GALNT14: variants seen among roughly 807,000 people sequenced by gnomAD.
GALNT14 encodes the protein polypeptide N-acetylgalactosaminyltransferase 14.
Under a neutral mutation model 77.5 loss-of-function variants are expected in GALNT14, and 60 were observed. The observed-to-expected ratio is 0.77, with a 90% confidence interval of 0.63 to 0.96. The LOEUF is 0.96. Among genes scored for constraint, GALNT14 ranks in the 40% least tolerant of loss-of-function variants. The probability of loss-of-function intolerance (pLI) is 0.00; values close to 1 mark genes in which losing one functional copy is unlikely to be tolerated. For synonymous variants in GALNT14, 280 were observed against 281.7 expected (o/e 0.99, Z 0.06); for missense variants, 710 against 731.0 (o/e 0.97, Z 0.33).
intron 1 of GALNT14, 150 bp from the exon 2 acceptor site, chr2:30,993,157 A>C: frequency 1.4e-6 from 1 of 731,370 alleles, no homozygotes. Flanking sequence ...AAACTAAACC[A>C]TCAGCAACAA....
chr2:31,125,191 T>G (rs956185630), intron 1 of GALNT14: 1 of 1,550,320 alleles, frequency 6.5e-7, no homozygotes, highest in African/African-American at 1.4e-5. Context: ...GAGGAGTGGG[T>G]GATACAGGCA....
At chr2:30,924,991 A>G (rs1164813682) in intron 11 of GALNT14, among the ~76,000 whole-genome samples, 168 bp from the exon 12 acceptor site, 3 of 152,268 alleles carry the variant, frequency 2.0e-5, no homozygotes, top group Non-Finnish European at 4.4e-5. Context: ...ACAGATTTCT[A>G]TAACTGCAGA....
intron 1 of GALNT14, among the ~76,000 whole-genome samples, chr2:31,134,409 T>C (rs1016804700): frequency 1.3e-5 from 2 of 152,182 alleles, no homozygotes; most frequent in African/African-American, 4.8e-5. Flanking sequence ...TCCCCATGAT[T>C]ACACGCTAGG....
chr2:30,919,694 G>A (rs772785858), intron 13 of GALNT14, among the ~76,000 whole-genome samples: 2 of 152,214 alleles, frequency 1.3e-5, no homozygotes, highest in Admixed American at 1.3e-4. Flanking sequence ...TCCTCTGAGG[G>A]TAGACTATAT....
At chr2:30,898,319 A>C in the GALNT14 span, among the ~76,000 whole-genome samples, 15 of 152,320 alleles carry the variant, frequency 9.8e-5, no homozygotes, top group Admixed American at 2.0e-4. Context: ...CAGCTTGCAC[A>C]GACTCAGACA....
intron 1 of GALNT14, among the ~76,000 whole-genome samples, chr2:31,106,767 T>G (rs1355199144): frequency 3.9e-5 from 6 of 151,902 alleles, no homozygotes; most frequent in Non-Finnish European, 8.8e-5. Context: ...CTTGCTGACA[T>G]TCTTCCCCCT....
chr2:30,904,503 G>C, the GALNT14 span, among the ~76,000 whole-genome samples: 2 of 152,164 alleles, frequency 1.3e-5, no homozygotes, highest in African/African-American at 4.8e-5. Context: ...CTTTTCCGAC[G>C]GGCTTAAAAA....
At chr2:30,986,848 C>G (rs898435761) in intron 2 of GALNT14, 3 of 152,200 alleles carry the variant, frequency 2.0e-5, no homozygotes, top group Admixed American at 2.0e-4. Flanking sequence ...GAAATGAAGT[C>G]TCTCCTCTGT....
At chr2:31,074,688 A>G (rs1488596566) in intron 1 of GALNT14, among the ~76,000 whole-genome samples, 1 of 152,146 alleles carries the variant, frequency 6.6e-6, no homozygotes, top group Non-Finnish European at 1.5e-5. Flanking sequence ...GAAAAAAGAG[A>G]GAGAGGGAGA....
chr2:30,977,953 C>T (rs1184560716), intron 2 of GALNT14, among the ~76,000 whole-genome samples: 3 of 152,184 alleles, frequency 2.0e-5, no homozygotes, highest in Non-Finnish European at 4.4e-5. Flanking sequence ...TCCAACCACT[C>T]CTCCCACCCT....
At chr2:30,972,682 G>A (rs1313985426) in intron 2 of GALNT14, among the ~76,000 whole-genome samples, 1 of 152,206 alleles carries the variant, frequency 6.6e-6, no homozygotes, top group Non-Finnish European at 1.5e-5. Context: ...TTCCAATTGT[G>A]ACTCAGGTCT....
At chr2:31,102,175 CTTT>C (rs981892882) in intron 1 of GALNT14, among the ~76,000 whole-genome samples, 5,793 of 36,202 alleles carry the variant, frequency 0.16, 267 homozygotes, top group African/African-American at 0.48. Context: ...TCATTAATCT[CTTT>C]TATTTATTTT....
intron 1 of GALNT14, among the ~76,000 whole-genome samples, chr2:31,087,836 G>A (rs960604256): frequency 1.3e-5 from 2 of 152,178 alleles, no homozygotes; most frequent in African/African-American, 4.8e-5. Context: ...CAATGTGATG[G>A]CATTTGAAGG....
At chr2:30,904,543 C>T in the GALNT14 span, among the ~76,000 whole-genome samples, 1 of 152,238 alleles carries the variant, frequency 6.6e-6, no homozygotes, top group Non-Finnish European at 1.5e-5. Context: ...TATCCCACAC[C>T]TGGCTTGGAG....
chr2:30,995,616 C>T (rs1356638910), intron 1 of GALNT14, among the ~76,000 whole-genome samples: 1 of 152,150 alleles, frequency 6.6e-6, no homozygotes, highest in Non-Finnish European at 1.5e-5. Flanking sequence ...ATCTCAGCTC[C>T]CAAGTAGCTG....
intron 1 of GALNT14, among the ~76,000 whole-genome samples, chr2:31,115,946 A>G (rs1272914316): frequency 6.6e-6 from 1 of 152,210 alleles, no homozygotes; most frequent in Non-Finnish European, 1.5e-5. Flanking sequence ...TTTTGGGCCC[A>G]GGAGTTTGAA....
chr2:30,951,803 G>A (rs1392062855), intron 6 of GALNT14, among the ~76,000 whole-genome samples: 4 of 152,214 alleles, frequency 2.6e-5, no homozygotes, highest in Admixed American at 6.5e-5. Context: ...CTGGGTTCAG[G>A]TCTGAGTCTT....
chr2:31,121,243 A>T (rs776366873), intron 1 of GALNT14, among the ~76,000 whole-genome samples: 1 of 152,214 alleles, frequency 6.6e-6, no homozygotes, highest in Non-Finnish European at 1.5e-5. Context: ...ACTTCCCCAC[A>T]GGTAATTTCT....
At chr2:30,926,604 C>T (rs1173072562) in intron 11 of GALNT14, among the ~76,000 whole-genome samples, 2 of 152,134 alleles carry the variant, frequency 1.3e-5, no homozygotes, top group African/African-American at 4.8e-5. Context: ...GGCTTTTTAA[C>T]GGACCCTCCG....
Sources: gnomAD v4.1 joint callset for allele counts (sites outside exome capture counted in the v4.1 genomes callset) on GRCh38, gnomAD v4.1.1 for gene constraint, MANE v1.5 for transcripts, NCBI Gene and HGNC (gene_info 2026-07-23, HGNC 2026-07-21) for gene names.